Variants in SEC14L1 observed in about 807,000 individuals in gnomAD.
SEC14L1 encodes the protein SEC14-like protein 1.
Under a neutral mutation model 85.3 loss-of-function variants are expected in SEC14L1, and 48 were observed. That is an observed-to-expected ratio of 0.56 (90% CI 0.45 to 0.72). The LOEUF (loss-of-function observed/expected upper bound fraction) is 0.72. Ranked by LOEUF, SEC14L1 falls within the 30% of genes least tolerant of loss-of-function variation. The pLI is 0.00. For missense variants in SEC14L1, 682 were observed against 921.4 expected, an observed-to-expected ratio of 0.74 and a Z score of 3.36; for synonymous variants, 391 against 355.5, an observed-to-expected ratio of 1.10 and a Z score of -1.12.
chr17:77,213,301 C>G lies in SEC14L1; in HGVS notation c.1864-13C>G, dbSNP rs750510074. On this transcript the variant is annotated splice_polypyrimidine_tract_variant and intron_variant, in intron 15 of 16. Transcript: ENST00000436233. This position sits in a 1 kb window ranked among gnomAD's most constrained non-coding sequence, Gnocchi z 7.1. ...CGAGTCGCCCTCAGCTGCCACTGCC[C>G]TACTTGTTCTAGGGTTCCCATGTGA... The G allele has an allele frequency of 1.9e-6, 3 of 1,595,434 alleles. No homozygotes were observed. The highest frequency in any genetic ancestry group is 2.6e-6 in the Non-Finnish European group (3 of 1,170,706).
intron 2 of SEC14L1, among the ~76,000 whole-genome samples, chr17:77,091,703 A>G (rs190944328): frequency 6.6e-6 from 1 of 152,264 alleles, no homozygotes; most frequent in Non-Finnish European, 1.5e-5. Flanking sequence ...ACCCTTTTGC[A>G]TCTCCTGCTC....
At chr17:77,183,605 G>A (rs1975139675) in intron 3 of SEC14L1, among the ~76,000 whole-genome samples, 2 of 152,178 alleles carry the variant, frequency 1.3e-5, no homozygotes, top group Non-Finnish European at 2.9e-5. Context: ...TCCAGCCTGG[G>A]TGACCAGAGT....
chr17:77,215,853 A>G lies in SEC14L1; in HGVS notation c.*1830A>G, dbSNP rs71384150. ...GTAGGTAGGGCTAGTAGGTAGGGTT[A>G]GTAGGTAGGGTTCGTAGGTAGGGTT... On this transcript the variant is annotated 3_prime_UTR_variant, in exon 17 of 17. Transcript: ENST00000436233. 1 of 635,436 alleles carries G rather than the reference A, an allele frequency of 1.6e-6. No homozygotes were observed. Among genetic ancestry groups the G allele is most frequent in the African/African-American group, 3.0e-5 (1 of 33,570 alleles). The allele number at this position is 635,436 out of a possible 1,614,324, so 39.4% of individuals were successfully genotyped here.
chr17:77,111,496 G>A (rs937245936), intron 3 of SEC14L1, among the ~76,000 whole-genome samples: 4 of 151,624 alleles, frequency 2.6e-5, no homozygotes, highest in Middle Eastern at 3.2e-3. Flanking sequence ...GCAAGCAGCC[G>A]GCAGCCGGGA....
intron 8 of SEC14L1, among the ~76,000 whole-genome samples, chr17:77,197,231 C>T (rs969216530): frequency 3.3e-5 from 5 of 152,216 alleles, no homozygotes; most frequent in African/African-American, 1.2e-4. Context: ...GTTCCCACCC[C>T]CTTCTTGTTC....
intron 3 of SEC14L1, among the ~76,000 whole-genome samples, chr17:77,184,175 C>T (rs990718816): frequency 2.0e-5 from 3 of 152,206 alleles, no homozygotes; most frequent in Non-Finnish European, 4.4e-5. Context: ...CGCTGCATCA[C>T]GCCAGGCTCT....
At chr17:77,190,454 C>G (rs536030527) in intron 3 of SEC14L1, among the ~76,000 whole-genome samples, 25 of 152,104 alleles carry the variant, frequency 1.6e-4, no homozygotes, top group African/African-American at 6.0e-4. Context: ...ACTGATTCTT[C>G]CCAGTTTATT....
intron 3 of SEC14L1, chr17:77,099,186 A>ACATTTAG (rs1971712765): frequency 6.6e-6 from 1 of 152,184 alleles, no homozygotes; most frequent in Non-Finnish European, 1.5e-5. Flanking sequence ...GAGCAGCAAA[A>ACATTTAG]CATTTAGATA....
chr17:77,212,236 G>T lies in SEC14L1; in HGVS notation c.1863+35G>T, dbSNP rs562608282. On this transcript the variant is annotated intron_variant, in intron 15 of 16. Coordinates refer to ENST00000436233, the MANE Select transcript of SEC14L1 (RefSeq NM_001143998.2). ...CACACAGGTCAAATCGCGCATCCGTGACTCCACACGGCCAGGTGATTCTGT... is the reference window on the plus strand; with the variant it reads ...CACACAGGTCAAATCGCGCATCCGTTACTCCACACGGCCAGGTGATTCTGT... The T allele has an allele frequency of 3.1e-6, 5 of 1,606,356 alleles. No individual in the cohort carries two copies. In the South Asian group the frequency reaches 4.4e-5, roughly 14 times the overall value.
chr17:77,196,366 A>G, intron 8 of SEC14L1, 55 bp downstream of exon 8: 1 of 1,057,000 alleles, frequency 9.5e-7, no homozygotes. Flanking sequence ...GAAATCATGG[A>G]ATCTCTTTCT....
chr17:77,107,693 T>G (rs1474223026), intron 3 of SEC14L1, among the ~76,000 whole-genome samples: 1 of 152,132 alleles, frequency 6.6e-6, no homozygotes, highest in Non-Finnish European at 1.5e-5. Flanking sequence ...CCCGGTGACG[T>G]AAAGGTGCCC....
chr17:77,096,806 G>T (rs1036978603), intron 3 of SEC14L1, among the ~76,000 whole-genome samples: 39 of 152,126 alleles, frequency 2.6e-4, no homozygotes, highest in African/African-American at 8.9e-4. Flanking sequence ...TTGGTACAGA[G>T]TTTGGATTTT....
rs538919197 is a variant in SEC14L1, at chr17:77,098,374, C to T, written c.-136+5027C>T. On this transcript the variant is annotated intron_variant, in intron 3 of 19. Transcript: ENST00000392476. ...ATTAGTCAGGCGTGGTGGTGCATAC[C>T]TGTAATCCCAGCTACTCGGGAGGCT... Among the ~76,000 whole-genome samples the T allele has an allele frequency of 2.1e-4, 32 of 152,184 alleles. No homozygotes were observed. The South Asian group carries it at 6.6e-3, about 32-fold the overall frequency.
intron 3 of SEC14L1, among the ~76,000 whole-genome samples, chr17:77,183,527 G>A (rs753025067): frequency 6.6e-6 from 1 of 152,220 alleles, no homozygotes; most frequent in Non-Finnish European, 1.5e-5. Flanking sequence ...TACTTGGGAG[G>A]CTGAAGTGGG....
intron 3 of SEC14L1, among the ~76,000 whole-genome samples, chr17:77,176,768 G>C (rs1469517029): frequency 6.6e-6 from 1 of 151,838 alleles, no homozygotes; most frequent in African/African-American, 2.4e-5. Context: ...TGTATTTTTA[G>C]TAGAGACGGG....
At chr17:77,139,466 C>T (rs1235060473), upstream of SEC14L1, among the ~76,000 whole-genome samples, 1 of 150,598 alleles carries the variant, frequency 6.6e-6, no homozygotes, top group Non-Finnish European at 1.5e-5. Flanking sequence ...GCCACCGCAA[C>T]GGCGTTAAAG....
chr17:77,091,585 A>G (rs1040722002), intron 2 of SEC14L1, among the ~76,000 whole-genome samples: 1 of 152,130 alleles, frequency 6.6e-6, no homozygotes, highest in Non-Finnish European at 1.5e-5. Flanking sequence ...GTGAGTCCAC[A>G]TTTTTTATTT....
Position 77,213,535 on chromosome 17 carries a change from C to T in SEC14L1, c.2042+43C>T. 6.3e-7 allele frequency: 1 copy of T among 1,598,094 alleles called. No homozygotes were observed. The highest frequency in any genetic ancestry group is 8.5e-7 in the Non-Finnish European group (1 of 1,178,160). ...ACAGCAGGTGCTGCGGACAGCTGGG[C>T]ATGGTTGGAGGGAGCCTGCAGTCCC... On this transcript the variant is annotated intron_variant, in intron 16 of 16. Transcript: ENST00000436233. The surrounding 1 kb of genome is among the most constrained non-coding windows in gnomAD (Gnocchi z 7.1).
intron 3 of SEC14L1, among the ~76,000 whole-genome samples, chr17:77,150,638 G>C (rs1047926945): frequency 6.6e-6 from 1 of 152,208 alleles, no homozygotes; most frequent in African/African-American, 2.4e-5. Flanking sequence ...CCTCCGTGGA[G>C]TGCGAAATGC....
Sources: gnomAD v4.1 joint callset for allele counts (sites outside exome capture counted in the v4.1 genomes callset) on GRCh38, gnomAD v4.1.1 for gene constraint, Gnocchi (gnomAD v3.1) non-coding constraint, MANE v1.5 for transcripts, NCBI Gene and HGNC (gene_info 2026-07-23, HGNC 2026-07-21) for gene names.